DMD: variants seen among roughly 807,000 people sequenced by gnomAD.
DMD encodes the protein mutant dystrophin.
A neutral mutation model predicts 330.1 loss-of-function variants in DMD; 63 were observed. The ratio of observed to expected loss-of-function variants is 0.19; its 90% CI spans 0.16 to 0.24. The LOEUF is 0.24. Among genes scored for constraint, DMD ranks in the 10% least tolerant of loss-of-function variants. The probability of loss-of-function intolerance (pLI) is 1.00; values close to 1 mark genes in which losing one functional copy is unlikely to be tolerated. For missense variants in DMD, 3,344 were observed against 2,684.1 expected (o/e 1.25, Z -5.43); for synonymous variants, 1,223 against 959.8 (o/e 1.27, Z -5.07).
chrX:32,465,970 C>G (rs2039984544), intron 23 of DMD, among the ~76,000 whole-genome samples: 1 of 111,416 alleles, frequency 9.0e-6, no homozygotes, highest in South Asian at 3.8e-4. Flanking sequence ...TACTGATCTA[C>G]AGTGATGCCA....
At chrX:32,337,696 T>C (rs188345326) in intron 41 of DMD, among the ~76,000 whole-genome samples, 2 of 110,720 alleles carry the variant, frequency 1.8e-5, no homozygotes, top group East Asian at 5.7e-4. Flanking sequence ...TCCCTTTACA[T>C]AGCATATGTA....
intron 44 of DMD, among the ~76,000 whole-genome samples, chrX:32,180,138 G>A (rs752668363): frequency 1.4e-4 from 16 of 111,983 alleles, no homozygotes; most frequent in African/African-American, 3.6e-4. Flanking sequence ...TTTCTTCTGC[G>A]GAAAGCAAGT....
intron 53 of DMD, among the ~76,000 whole-genome samples, chrX:31,659,638 G>A (rs1308526904): frequency 2.4e-4 from 10 of 41,563 alleles, no homozygotes; most frequent in Non-Finnish European, 3.4e-4. Flanking sequence ...ACTCCATCTC[G>A]GAAAAAAAAA....
At position 31,496,755 on chromosome X, in the gene DMD, A is replaced by G. The variant is rs1437708064; in HGVS notation, c.8547+33T>C. On this transcript the variant is annotated intron_variant, in intron 57 of 78. Transcript: ENST00000357033. ...GTCACTGGATTACTATGTGCTTAAC[A>G]TGTGCAAGGCACGAGGCTTAAAAAT... 5 of 1,208,175 alleles carry G rather than the reference A, an allele frequency of 4.1e-6. No homozygotes were observed. In the South Asian group the frequency reaches 5.3e-5, roughly 13 times the overall value.
At chrX:32,773,686 T>A (rs986794804) in intron 7 of DMD, among the ~76,000 whole-genome samples, 3 of 110,751 alleles carry the variant, frequency 2.7e-5, no homozygotes, top group Non-Finnish European at 3.8e-5. Flanking sequence ...CTGTGCCTGG[T>A]TGATTTCACT....
intron 52 of DMD, among the ~76,000 whole-genome samples, chrX:31,715,218 G>C (rs749504815): frequency 5.5e-4 from 50 of 91,634 alleles, no homozygotes; most frequent in African/African-American, 2.0e-3. Context: ...ATTGGGGGTT[G>C]GTGGGGGGGG....
intron 1 of DMD, among the ~76,000 whole-genome samples, chrX:33,269,530 A>G (rs2053115157): frequency 9.0e-6 from 1 of 111,331 alleles, no homozygotes; most frequent in African/African-American, 3.3e-5. Context: ...ACAAATCTGC[A>G]TGTGTACTCC....
intron 1 of DMD, chrX:33,339,214 C>A: frequency 2.0e-6 from 2 of 1,024,810 alleles, no homozygotes; most frequent in Non-Finnish European, 2.6e-6. Flanking sequence ...TCATGGCCAG[C>A]TTCTAATTGT....
chrX:31,810,139 C>T (rs1023021001), intron 50 of DMD, among the ~76,000 whole-genome samples: 4 of 111,147 alleles, frequency 3.6e-5, no homozygotes, highest in African/African-American at 1.3e-4. Context: ...GGCATGTAAA[C>T]GTAGGAAAAG....
intron 47 of DMD, among the ~76,000 whole-genome samples, chrX:31,909,706 C>T (rs910988522): frequency 2.7e-5 from 3 of 111,597 alleles, no homozygotes; most frequent in Non-Finnish European, 5.6e-5. Context: ...GGTGAAGATT[C>T]ATGCATTTTT....
rs899638927 is a variant in DMD at position 32,129,917 on chromosome X, T to C, written c.6438+86999A>G. On this transcript the variant is annotated intron_variant, in intron 44 of 78. Coordinates refer to ENST00000357033, the MANE Select transcript of DMD (RefSeq NM_004006.3). ...ACACAATACTTTTTATTTCCAAAGGTTGGCCAGATTGACCAAAGGAGAATC... is the reference window on the plus strand; with the variant it reads ...ACACAATACTTTTTATTTCCAAAGGCTGGCCAGATTGACCAAAGGAGAATC... Among the ~76,000 whole-genome samples the C allele has an allele frequency of 1.4e-4, 16 of 110,573 alleles. No homozygotes were observed. In the Admixed American group the frequency reaches 1.5e-3, roughly 11 times the overall value.
chrX:32,235,843 G>C (rs774370119), intron 43 of DMD, among the ~76,000 whole-genome samples: 1 of 110,321 alleles, frequency 9.1e-6, no homozygotes, highest in East Asian at 2.9e-4. Flanking sequence ...TTTAGTTTTA[G>C]TGTTTTTTAA....
At chrX:31,520,831 C>A (rs1440712096) in intron 55 of DMD, among the ~76,000 whole-genome samples, 1 of 110,530 alleles carries the variant, frequency 9.0e-6, no homozygotes, top group Non-Finnish European at 1.9e-5. Context: ...AGGCGCCCGC[C>A]ACCACGCCCG....
At chrX:32,965,280 T>G (rs1301737432) in intron 2 of DMD, among the ~76,000 whole-genome samples, 1 of 111,249 alleles carries the variant, frequency 9.0e-6, no homozygotes, top group South Asian at 3.8e-4. Context: ...TCATTTGAGG[T>G]CAGGAGTTCA....
At chrX:32,335,718 TAAC>T (rs1260467443) in intron 41 of DMD, among the ~76,000 whole-genome samples, 1 of 25,559 alleles carries the variant, frequency 3.9e-5, no homozygotes, top group Non-Finnish European at 7.6e-5. Flanking sequence ...CATGTATATA[TAAC>T]ATGTATATAC....
chrX:31,835,504 G>A (rs1021918852), intron 49 of DMD, among the ~76,000 whole-genome samples: 1 of 111,578 alleles, frequency 9.0e-6, no homozygotes, highest in Non-Finnish European at 1.9e-5. Flanking sequence ...TGATTATACT[G>A]GGCTTGAACT....
intron 44 of DMD, among the ~76,000 whole-genome samples, chrX:32,184,005 G>T (rs893174851): frequency 9.1e-6 from 1 of 110,179 alleles, no homozygotes. Context: ...TTTAAAATCC[G>T]CATTCGAAAT....
intron 41 of DMD, among the ~76,000 whole-genome samples, chrX:32,318,322 T>TA (rs1488856177): frequency 1.8e-5 from 2 of 111,331 alleles, no homozygotes; most frequent in African/African-American, 6.5e-5. Flanking sequence ...CCAGGGTGAT[T>TA]AAAAAACCCC....
In DMD at chrX:32,132,073, A is replaced by G. The variant is rs760010438; in HGVS notation, c.6438+84843T>C. On this transcript the variant is annotated intron_variant, in intron 44 of 78. Coordinates refer to ENST00000357033, the MANE Select transcript of DMD (RefSeq NM_004006.3). ...TAGGGATGAAGGCTTTTTAATCTAT[A>G]TGTGTTCAGTAACATATATTGCATG... Among the ~76,000 whole-genome samples, 5 of 112,164 alleles carry G rather than the reference A, an allele frequency of 4.5e-5. No individual in the cohort carries two copies. In the South Asian group the frequency reaches 1.5e-3, roughly 34 times the overall value.
Sources: gnomAD v4.1 joint callset for allele counts (sites outside exome capture counted in the v4.1 genomes callset) on GRCh38, gnomAD v4.1.1 for gene constraint, MANE v1.5 for transcripts, NCBI Gene and HGNC (gene_info 2026-07-23, HGNC 2026-07-21) for gene names.